Variants in NPY1R observed in about 807,000 individuals in gnomAD.
The protein encoded by NPY1R is neuropeptide Y receptor Y1, also known as neuropeptide Y receptor type 1.
Under a neutral mutation model 24.1 loss-of-function variants are expected in NPY1R, and 10 were observed. The ratio of observed to expected loss-of-function variants is 0.42; its 90% confidence interval spans 0.26 to 0.71. The LOEUF is 0.71. Ranked by LOEUF, NPY1R falls within the 30% of genes least tolerant of loss-of-function variation. The pLI, the probability that NPY1R is intolerant of heterozygous loss-of-function variation, is 0.28. For synonymous variants in NPY1R, 168 were observed against 165.9 expected (o/e 1.01, Z -0.10); for missense variants, 350 against 458.0 (o/e 0.76, Z 2.15).
intron 1 of NPY1R, among the ~76,000 whole-genome samples, chr4:163,331,786 T>A (rs1734733856): frequency 6.6e-6 from 1 of 152,140 alleles, no homozygotes. Flanking sequence ...AGCTAAAGAG[T>A]TCCCTGATTA....
chr4:163,325,390 G>T lies in NPY1R; in HGVS notation c.1068C>A (p.His356Gln). Residue 356 changes from histidine to glutamine, a missense_variant, in exon 3 of 3, where the codon CAC (histidine) becomes CAA (glutamine). Coordinates refer to ENST00000296533, the MANE Select transcript of NPY1R (RefSeq NM_000909.6). ...TCAAAGAAGTTTTGGAAACATCTGT[G>T]TGCATCGTGGACATGGCTATTGTTT... ...DYETIAMSTM[H>Q]TDVSKTSLKQ... The T allele has an allele frequency of 6.2e-7, 1 of 1,614,072 alleles. No homozygotes were observed. Among genetic ancestry groups the T allele is most frequent in the Non-Finnish European group, 8.5e-7 (1 of 1,179,964 alleles).
chr4:163,326,401 T>A lies in NPY1R; in HGVS notation c.154A>T (p.Ile52Phe), dbSNP rs746038594. 31 of 1,613,966 alleles carry A rather than the reference T, an allele frequency of 1.9e-5. No homozygotes were observed. In the East Asian group the frequency reaches 6.9e-4, roughly 36 times the overall value. ...TLALAYGAVI[I>F]LGVSGNLALI... is the part of the protein sequence containing the mutation. ...GCCAGGTTTCCAGAGACACCAAGAA[T>A]GATCACAGCTCCATAAGCAAGAGCT... Residue 52 changes from isoleucine (I) to phenylalanine (F), a missense_variant, in exon 2 of 3, where the codon ATT becomes TTT. Physicochemically the swap from Ile to Phe is conservative, Grantham distance 21 (BLOSUM62 0). Coordinates refer to ENST00000296533, the MANE Select transcript of NPY1R (RefSeq NM_000909.6).
exon 1 of NPY1R, chr4:163,344,485 C>G (rs1735128404): frequency 6.6e-6 from 1 of 152,212 alleles, no homozygotes; most frequent in East Asian, 1.9e-4. Context: ...GGTCAGGGCT[C>G]AACCCTAGCG....
At chr4:163,333,181 T>G (rs12507653), upstream of NPY1R, among the ~76,000 whole-genome samples, 81 of 151,740 alleles carry the variant, frequency 5.3e-4, no homozygotes, top group Non-Finnish European at 1.3e-4. Context: ...AGAAAATGCA[T>G]TAAGTCAGAT....
chr4:163,332,196 T>C (rs1369075860), intron 1 of NPY1R, among the ~76,000 whole-genome samples: 2 of 152,182 alleles, frequency 1.3e-5, no homozygotes, highest in African/African-American at 4.8e-5. Context: ...AAAGGAAAAC[T>C]TGGATCCCCA....
chr4:163,340,199 C>A (rs1734944994), intron 1 of NPY1R, among the ~76,000 whole-genome samples: 1 of 151,862 alleles, frequency 6.6e-6, no homozygotes, highest in Admixed American at 6.6e-5. Flanking sequence ...GGATACTTAT[C>A]TTTTCTCAGA....
At chr4:163,334,330 C>T (rs1734792356), upstream of NPY1R, among the ~76,000 whole-genome samples, 1 of 152,226 alleles carries the variant, frequency 6.6e-6, no homozygotes, top group African/African-American at 2.4e-5. Context: ...GACTCAGGTA[C>T]TATGCTTTCT....
intron 1 of NPY1R, among the ~76,000 whole-genome samples, chr4:163,340,309 C>CAT (rs142056779): frequency 0.045 from 6,646 of 147,446 alleles, 173 homozygotes; most frequent in African/African-American, 0.072. Context: ...TCTTCTTGTA[C>CAT]ATATATATAT....
Position 163,338,734 on chromosome 4 carries a change from C to G in NPY1R, c.-152+5571G>C, listed in dbSNP as rs28659992. On this transcript the variant is annotated intron_variant, in intron 1 of 1. Transcript: ENST00000511901. ...TTTCATTCTTAACACACAAATACAC[C>G]CTCTGCTATCAACTACATGCTTGCA... Among the ~76,000 whole-genome samples the G allele has an allele frequency of 5.9e-3, 893 of 152,242 alleles. 10 individuals carry two copies. The highest frequency in any genetic ancestry group is 0.02 in the African/African-American group (850 of 41,556).
chr4:163,337,901 T>A (rs1286898914), upstream of NPY1R, among the ~76,000 whole-genome samples: 1 of 152,202 alleles, frequency 6.6e-6, no homozygotes, highest in African/African-American at 2.4e-5. Flanking sequence ...TCCTCAAATA[T>A]GACCCACCTG....
At chr4:163,329,206 T>C (rs1734673376) in intron 1 of NPY1R, among the ~76,000 whole-genome samples, 1 of 152,222 alleles carries the variant, frequency 6.6e-6, no homozygotes. Flanking sequence ...TGTGACCTTC[T>C]CACTGTGTTT....
In NPY1R at chr4:163,325,982, C is replaced by T. The variant is rs377231377; in HGVS notation, c.573G>A (p.Ala191=). 1.2e-5 allele frequency: 20 copies of T among 1,613,832 alleles called. No individual in the cohort carries two copies. The highest frequency in any genetic ancestry group is 4.0e-5 in the African/African-American group (3 of 74,900). Residue 191 remains alanine (A), a synonymous_variant, in exon 2 of 3, where the codon GCG becomes GCA. Coordinates refer to ENST00000296533, the MANE Select transcript of NPY1R (RefSeq NM_000909.6). ...CAAAGCACACGTATTTGTCTTTGTACGCATCAAGTGTTACATTTTGGAACG... is the reference window on the plus strand; with the variant it reads ...CAAAGCACACGTATTTGTCTTTGTATGCATCAAGTGTTACATTTTGGAACG... The part of the protein sequence containing the change: ...DEPFQNVTLD[A]YKDKYVCFDQ...
intron 1 of NPY1R, among the ~76,000 whole-genome samples, chr4:163,342,991 C>G (rs1385537967): frequency 1.8e-4 from 26 of 143,860 alleles, no homozygotes; most frequent in African/African-American, 6.4e-4. Context: ...GACACACACA[C>G]ACACACACAC....
Position 163,326,521 on chromosome 4 carries a change from G to A in NPY1R, c.34C>T (p.His12Tyr), listed in dbSNP as rs75841573. 528 of 1,604,148 alleles carry A rather than the reference G, an allele frequency of 3.3e-4. No homozygotes were observed. The highest frequency in any genetic ancestry group is 4.3e-4 in the Non-Finnish European group (502 of 1,176,600). The change falls in exon 2 of 3, where the codon CAT becomes TAT. Residue 12 changes from histidine to tyrosine, a missense_variant. By Grantham distance (83) the His-to-Tyr change is moderately conservative. Coordinates refer to ENST00000296533, the MANE Select transcript of NPY1R (RefSeq NM_000909.6). ...NSTLFSQVENHSVHSNFSEKN... is the reference protein window; with the variant it reads ...NSTLFSQVENYSVHSNFSEKN... ...TCTGAGAAATTAGAGTGGACTGAATGATTTTCAACCTGGGAAAATAATGTT... is the reference window on the plus strand; with the variant it reads ...TCTGAGAAATTAGAGTGGACTGAATAATTTTCAACCTGGGAAAATAATGTT...
exon 1 of NPY1R, chr4:163,344,381 G>C (rs376047877): frequency 4.2e-4 from 64 of 152,428 alleles, no homozygotes; most frequent in African/African-American, 1.3e-3. Context: ...GGGATGGGGC[G>C]GGGGATGGAC....
intron 1 of NPY1R, among the ~76,000 whole-genome samples, chr4:163,331,690 C>A (rs1331504432): frequency 6.6e-6 from 1 of 152,200 alleles, no homozygotes; most frequent in Non-Finnish European, 1.5e-5. Context: ...GAACCAATGG[C>A]ACACCCTATC....
In NPY1R at chr4:163,327,538, T is replaced by C. The variant is rs563564812; in HGVS notation, c.-151-833A>G. On this transcript the variant is annotated intron_variant, in intron 1 of 2. Transcript: ENST00000296533. ...CCATATACAAATTTTATAACCACCA[T>C]ATGAAAAACCATTTCAGAGAGTTTC... 2.9e-4 allele frequency among the ~76,000 whole-genome samples: 44 copies of C among 152,284 alleles called. 1 individual carries two copies. The South Asian group carries it at 8.7e-3, about 30-fold the overall frequency.
chr4:163,344,305 C>G (rs895772317), exon 1 of NPY1R: 11 of 152,362 alleles, frequency 7.2e-5, no homozygotes, highest in African/African-American at 2.7e-4. Flanking sequence ...CCCAACTCAC[C>G]CGGGTGGAGC....
chr4:163,338,151 C>T (rs563498867), intron 1 of NPY1R, among the ~76,000 whole-genome samples: 2 of 107,290 alleles, frequency 1.9e-5, no homozygotes, highest in Non-Finnish European at 4.0e-5. Flanking sequence ...CCCCTAGGAT[C>T]CTGTTATGTA....
Sources: gnomAD v4.1 joint callset for allele counts (sites outside exome capture counted in the v4.1 genomes callset) on GRCh38, gnomAD v4.1.1 for gene constraint, MANE v1.5 for transcripts, NCBI Gene and HGNC (gene_info 2026-07-23, HGNC 2026-07-21) for gene names.